Variants in VPS41 observed in about 807,000 individuals in gnomAD.
VPS41 encodes the protein VPS41 subunit of HOPS complex, also known as vacuolar protein sorting-associated protein 41 homolog.
Under a neutral mutation model 130.9 loss-of-function variants are expected in VPS41, and 85 were observed. That is an observed-to-expected ratio of 0.65 (90% CI 0.55 to 0.78). VPS41 has a LOEUF of 0.78. Among genes scored for constraint, VPS41 ranks in the 30% least tolerant of loss-of-function variants. VPS41 has a pLI of 0.00. For synonymous variants in VPS41, 335 were observed against 332.9 expected, an observed-to-expected ratio of 1.01 and a Z score of -0.07; for missense variants, 874 against 1,018.7, an observed-to-expected ratio of 0.86 and a Z score of 1.93.
intron 7 of VPS41, among the ~76,000 whole-genome samples, chr7:38,817,547 G>A (rs1460406294): frequency 1.3e-5 from 2 of 152,206 alleles, no homozygotes; most frequent in Non-Finnish European, 2.9e-5. Flanking sequence ...GAACCCAGGA[G>A]GCGGAGGCTG....
intron 3 of VPS41, among the ~76,000 whole-genome samples, chr7:38,867,126 C>T (rs61363591): frequency 0.17 from 25,921 of 151,956 alleles, 2,910 homozygotes; most frequent in East Asian, 0.44. Flanking sequence ...TATATAGATA[C>T]GAGGTAGATT....
chr7:38,775,004 G>A (rs914253448), intron 11 of VPS41, among the ~76,000 whole-genome samples: 1 of 152,156 alleles, frequency 6.6e-6, no homozygotes, highest in Admixed American at 6.5e-5. Flanking sequence ...CATGAAAACA[G>A]GGCAATGCAG....
In VPS41 at chr7:38,728,694, TCAA is replaced by T; in HGVS notation, c.2354_2356del (p.Val785del). 6.2e-7 allele frequency: 1 copy of T among 1,614,120 alleles called. No individual in the cohort carries two copies. Among genetic ancestry groups the T allele is most frequent in the Non-Finnish European group, 8.5e-7 (1 of 1,179,996 alleles). On this transcript the variant is annotated inframe_deletion, in exon 26 of 29. Coordinates refer to ENST00000310301, the MANE Select transcript of VPS41 (RefSeq NM_014396.4). ...ATGATTATTTCAATTTTACCCACCA[TCAA>T]CAAGAACACCTTTCATTTGAGTTCG...
At chr7:38,777,520 T>C (rs1207710590) in intron 10 of VPS41, among the ~76,000 whole-genome samples, 1 of 152,216 alleles carries the variant, frequency 6.6e-6, no homozygotes, top group Non-Finnish European at 1.5e-5. Context: ...TGCTATAAAA[T>C]ATAAAAGATC....
At chr7:38,863,627 A>G (rs1184311291) in intron 3 of VPS41, among the ~76,000 whole-genome samples, 1 of 152,232 alleles carries the variant, frequency 6.6e-6, no homozygotes, top group Non-Finnish European at 1.5e-5. Flanking sequence ...GAAGGAGTTC[A>G]TTAGAAATTC....
At chr7:38,754,094 C>G (rs564974244) in intron 21 of VPS41, among the ~76,000 whole-genome samples, 9,589 of 152,118 alleles carry the variant, frequency 0.063, 323 homozygotes, top group Middle Eastern at 0.082. Flanking sequence ...TTGAAGTAGC[C>G]CCCCAAAGAA....
In VPS41 at chr7:38,745,481, C is replaced by A; in HGVS notation, c.1981+78G>T. ...TGTTACGTTGGTCTAAAACCTATGT[C>A]CTTTCTTACACAATTTACTTCATGT... On this transcript the variant is annotated intron_variant, in intron 23 of 28. Transcript: ENST00000310301. 4 of 1,191,770 alleles carry A rather than the reference C, an allele frequency of 3.4e-6. No individual in the cohort carries two copies. In the South Asian group the frequency reaches 5.0e-5, roughly 15 times the overall value. 73.8% of individuals were successfully genotyped at this position (1,191,770 alleles called of 1,614,324 possible).
intron 25 of VPS41, among the ~76,000 whole-genome samples, chr7:38,737,841 C>T (rs1414296016): frequency 6.6e-6 from 1 of 152,160 alleles, no homozygotes; most frequent in Non-Finnish European, 1.5e-5. Flanking sequence ...AGCTGAACAT[C>T]CTGCTCCAGA....
chr7:38,747,342 C>T lies in VPS41; in HGVS notation c.1927-1729G>A, dbSNP rs114088083. Among the ~76,000 whole-genome samples the T allele has an allele frequency of 4.9e-3, 743 of 152,180 alleles. 12 individuals are homozygous for T. Among genetic ancestry groups the T allele is most frequent in the African/African-American group, 0.016 (681 of 41,516 alleles). On this transcript the variant is annotated intron_variant, in intron 22 of 28. Transcript: ENST00000310301. ...TAGATTTGTTCTGGGTGTTAAGATA[C>T]AGATAGTTTATAGTTGAGTGGGACT...
chr7:38,821,625 T>C (rs1461181811), intron 5 of VPS41, among the ~76,000 whole-genome samples: 1 of 144,092 alleles, frequency 6.9e-6, no homozygotes, highest in Non-Finnish European at 1.5e-5. Context: ...GAGAATTGCT[T>C]GAACCTGGGA....
chr7:38,852,607 A>T (rs1020587112), intron 4 of VPS41, among the ~76,000 whole-genome samples: 1 of 152,208 alleles, frequency 6.6e-6, no homozygotes, highest in Non-Finnish European at 1.5e-5. Flanking sequence ...AATGAAAAAC[A>T]TTAGAAATTA....
chr7:38,784,182 T>C (rs1784398828), intron 10 of VPS41, among the ~76,000 whole-genome samples: 2 of 152,190 alleles, frequency 1.3e-5, no homozygotes, highest in African/African-American at 4.8e-5. Flanking sequence ...ATGCTAAATA[T>C]TTACATACAA....
intron 23 of VPS41, among the ~76,000 whole-genome samples, chr7:38,744,316 T>C (rs1266714165): frequency 2.0e-5 from 3 of 152,202 alleles, no homozygotes; most frequent in African/African-American, 7.2e-5. Context: ...GTTGTCACCC[T>C]TACCCCTGTC....
intron 7 of VPS41, among the ~76,000 whole-genome samples, chr7:38,810,674 T>C (rs1169597070): frequency 6.6e-6 from 1 of 152,166 alleles, no homozygotes; most frequent in African/African-American, 2.4e-5. Flanking sequence ...AATGTCTTTA[T>C]TCCACATTAC....
At position 38,752,272 on chromosome 7, in the gene VPS41, C is replaced by T. The variant is rs1382107763; in HGVS notation, c.1830G>A (p.Gln610=). The T allele has an allele frequency of 6.2e-7, 1 of 1,613,810 alleles. No individual in the cohort carries two copies. The highest frequency in any genetic ancestry group is 8.5e-7 in the Non-Finnish European group (1 of 1,179,876). Residue 610 remains glutamine (Q), a synonymous_variant, in exon 22 of 29, where the codon CAG becomes CAA. Coordinates refer to ENST00000310301, the MANE Select transcript of VPS41 (RefSeq NM_014396.4). ...KLFKRDHHKG[Q]RYHEKQISLY... is the part of the protein sequence containing the mutation. ...GACTGATCTGTTTTTCATGGTAACG[C>T]TGCCCCTTATGGTGGTCTCTCTTGA...
intron 2 of VPS41, among the ~76,000 whole-genome samples, chr7:38,882,497 C>T (rs1455874057): frequency 2.0e-5 from 3 of 152,210 alleles, no homozygotes; most frequent in East Asian, 1.9e-4. Flanking sequence ...TGCTGAGTCA[C>T]AAATTCTTAC....
intron 5 of VPS41, among the ~76,000 whole-genome samples, chr7:38,821,930 T>C (rs1785180212): frequency 6.6e-6 from 1 of 152,074 alleles, no homozygotes. Flanking sequence ...AAAGGAACTA[T>C]TTTTTCATCC....
intron 19 of VPS41, among the ~76,000 whole-genome samples, chr7:38,755,690 A>C (rs1783776557): frequency 1.3e-5 from 2 of 151,982 alleles, no homozygotes; most frequent in African/African-American, 4.8e-5. Context: ...TAACCAGAAG[A>C]CTCTGATTCC....
At chr7:38,762,069 A>G (rs1467854413) in intron 17 of VPS41, among the ~76,000 whole-genome samples, 1 of 152,194 alleles carries the variant, frequency 6.6e-6, no homozygotes, top group African/African-American at 2.4e-5. Context: ...AACACAAAAT[A>G]AAGACAAAAT....
Sources: allele counts gnomAD v4.1 joint callset (sites outside exome capture counted in the v4.1 genomes callset), GRCh38; gene constraint gnomAD v4.1.1; transcripts MANE v1.5; gene names NCBI Gene and HGNC (gene_info 2026-07-23, HGNC 2026-07-21).